The following SLC17A3 variants were observed in gnomAD, a reference collection of about 807,000 sequenced individuals.
SLC17A3 encodes solute carrier family 17 member 3, also known as sodium-dependent phosphate transport protein 4.
A neutral mutation model predicts 60.3 loss-of-function variants in SLC17A3; 61 were observed. That is an observed-to-expected ratio of 1.01 (90% CI 0.82 to 1.25). The LOEUF is 1.25. SLC17A3 is among the 50% of genes most tolerant of loss of function. The pLI, the probability that SLC17A3 is intolerant of heterozygous loss-of-function variation, is 0.00. For missense variants in SLC17A3, 624 were observed against 594.9 expected (o/e 1.05, Z -0.51); for synonymous variants, 192 against 208.9 (o/e 0.92, Z 0.70).
At chr6:25,857,261 G>A (rs1018185277) in intron 5 of SLC17A3, among the ~76,000 whole-genome samples, 1 of 150,344 alleles carries the variant, frequency 6.7e-6, no homozygotes, top group Admixed American at 6.6e-5. Flanking sequence ...AAAGTTGCAC[G>A]TTTTTCTATC....
intron 5 of SLC17A3, among the ~76,000 whole-genome samples, chr6:25,860,750 C>T (rs928377412): frequency 2.6e-5 from 4 of 152,204 alleles, no homozygotes; most frequent in Admixed American, 6.5e-5. Flanking sequence ...AAGGGAGTTG[C>T]TACTTTCCAT....
At position 25,849,142 on chromosome 6, in the gene SLC17A3, C is replaced by T. The variant is rs1328901449; in HGVS notation, c.1362+232G>A. ...TCATTATCCCAAGACACCTATGCAGCTGTGTGGTTTCAGTTTCAAAGACAG... is the reference window on the plus strand; with the variant it reads ...TCATTATCCCAAGACACCTATGCAGTTGTGTGGTTTCAGTTTCAAAGACAG... On this transcript the variant is annotated intron_variant, in intron 11 of 12. Coordinates refer to ENST00000397060, the MANE Select transcript of SLC17A3 (RefSeq NM_001098486.2). Among the ~76,000 whole-genome samples, 6 of 152,278 alleles carry T rather than the reference C, an allele frequency of 3.9e-5. No homozygotes were observed. The East Asian group carries it at 5.8e-4, about 15-fold the overall frequency.
At chr6:25,859,085 G>T (rs1410501976) in intron 5 of SLC17A3, among the ~76,000 whole-genome samples, 1 of 152,182 alleles carries the variant, frequency 6.6e-6, no homozygotes, top group Non-Finnish European at 1.5e-5. Flanking sequence ...AATATCATAA[G>T]ATGTGTTGGG....
At chr6:25,871,450 G>C (rs1207234394) in intron 1 of SLC17A3, among the ~76,000 whole-genome samples, 1 of 148,906 alleles carries the variant, frequency 6.7e-6, no homozygotes, top group Non-Finnish European at 1.5e-5. Flanking sequence ...GAGAACACAT[G>C]GACACAGGAA....
chr6:25,862,283 C>A lies in SLC17A3; in HGVS notation c.253G>T (p.Val85Phe). ...QLNDSSEVLP[V>F]DSFGGLSKAP... ...TTACTTAGGCCACCAAATGAGTCAA[C>A]AGGCAGCACCTCAGAGGAATCATTG... Residue 85 changes from valine (V) to phenylalanine (F), a missense_variant, in exon 3 of 13, where the codon GTT (valine) becomes TTT (phenylalanine). By Grantham distance (50) the Val-to-Phe change is conservative. Transcript: ENST00000397060. 6.2e-7 allele frequency: 1 copy of A among 1,613,828 alleles called. No individual in the cohort carries two copies.
At chr6:25,861,167 G>T (rs1765439888) in intron 5 of SLC17A3, among the ~76,000 whole-genome samples, 1 of 152,106 alleles carries the variant, frequency 6.6e-6, no homozygotes, top group Non-Finnish European at 1.5e-5. Flanking sequence ...GCAGATCATT[G>T]TCAGCAAGAA....
chr6:25,861,696 C>G lies in SLC17A3; in HGVS notation c.553G>C (p.Gly185Arg), dbSNP rs531315084. ...QGLSQSSILG[G>R]QFAIWEKWGP... ...CACTTTTCCCAAATTGCAAACTGACCCCCAAGTATTGAGGACTGAAATTAA... is the reference window on the plus strand; with the variant it reads ...CACTTTTCCCAAATTGCAAACTGACGCCCAAGTATTGAGGACTGAAATTAA... Residue 185 changes from glycine (G) to arginine (R), a missense_variant, in exon 5 of 13, where the codon GGT becomes CGT. Transcript: ENST00000397060. The G allele has an allele frequency of 6.2e-7, 1 of 1,613,876 alleles. No homozygotes were observed. The highest frequency in any genetic ancestry group is 1.1e-5 in the South Asian group (1 of 91,072).
intron 1 of SLC17A3, 160 bp from the exon 2 acceptor site, chr6:25,868,580 A>G (rs2151527844): frequency 1.7e-6 from 1 of 595,956 alleles, no homozygotes; most frequent in East Asian, 2.9e-5. Flanking sequence ...CAACAAGCAT[A>G]CTGCACGTAA....
intron 10 of SLC17A3, 26 bp from the exon 11 acceptor site, chr6:25,849,490 C>A: frequency 1.4e-6 from 2 of 1,436,834 alleles, no homozygotes; most frequent in South Asian, 2.3e-5. Context: ...ATGTTCCGGT[C>A]TAGATCCAGA....
At position 25,845,019 on chromosome 6, in the gene SLC17A3, C is replaced by T; in HGVS notation, c.*282G>A. On this transcript the variant is annotated 3_prime_UTR_variant, in exon 13 of 13. Transcript: ENST00000397060. The stretch of plus-strand genomic sequence containing the variant: ...GTTTTAAAACATTGTTTCTTGTATC[C>T]AGTAATGGAATCTAACATACTGGGT... The T allele has an allele frequency of 9.0e-6, 2 of 222,794 alleles. No individual in the cohort carries two copies. The highest frequency in any genetic ancestry group is 1.1e-4 in the East Asian group (1 of 8,864). 13.8% of individuals were successfully genotyped at this position (222,794 alleles called of 1,614,324 possible). A position where few individuals can be genotyped will look rare whatever the true frequency, so the allele number is the denominator to read the frequency against.
At position 25,850,754 on chromosome 6, in the gene SLC17A3, T is replaced by C. The variant is rs1235306113; in HGVS notation, c.831+5A>G. 1.2e-6 allele frequency: 2 copies of C among 1,611,094 alleles called. No homozygotes were observed. Among genetic ancestry groups the C allele is most frequent in the South Asian group, 1.1e-5 (1 of 91,012 alleles). ...TCAGAAAAGTGTTGGTGTCTTTATA[T>C]GTACCTGTTGTTTCAAGGAGGATAT... On this transcript the variant is annotated splice_donor_5th_base_variant and intron_variant, in intron 7 of 12. Coordinates refer to ENST00000397060, the MANE Select transcript of SLC17A3 (RefSeq NM_001098486.2).
Position 25,850,842 on chromosome 6 carries a change from C to T in SLC17A3, c.748G>A (p.Val250Ile). 6.2e-7 allele frequency: 1 copy of T among 1,614,062 alleles called. No homozygotes were observed. Among genetic ancestry groups the T allele is most frequent in the Non-Finnish European group, 8.5e-7 (1 of 1,179,942 alleles). Reference protein sequence around the residue: ...VGCVCCLLWFVVIYDDPVSYP... With the variant: ...VGCVCCLLWFIVIYDDPVSYP... ...GAAACGGGGTCATCATAAATCACAA[C>T]AAACCAGAGAAGGCAGCAGACACAG... The change falls in exon 7 of 13, where the codon GTT becomes ATT. Residue 250 changes from valine (V) to isoleucine (I), a missense_variant. Val to Ile is a conservative substitution (Grantham distance 29). Coordinates refer to ENST00000397060, the MANE Select transcript of SLC17A3 (RefSeq NM_001098486.2).
intron 6 of SLC17A3, 70 bp downstream of exon 6, chr6:25,855,074 C>T (rs1329809099): frequency 9.9e-6 from 10 of 1,008,302 alleles, no homozygotes; most frequent in African/African-American, 4.7e-5. Context: ...GAAAACTATA[C>T]ACAAAATATA....
intron 6 of SLC17A3, among the ~76,000 whole-genome samples, chr6:25,851,564 T>C (rs1373244862): frequency 1.3e-5 from 2 of 152,152 alleles, no homozygotes; most frequent in African/African-American, 4.8e-5. Flanking sequence ...TTTGGTTTAG[T>C]TTTTATATAT....
At chr6:25,869,211 C>A (rs1765598109) in intron 1 of SLC17A3, among the ~76,000 whole-genome samples, 1 of 151,858 alleles carries the variant, frequency 6.6e-6, no homozygotes, top group African/African-American at 2.4e-5. Flanking sequence ...ATCTTCAATG[C>A]CCAAGGAGAT....
At chr6:25,847,728 T>C (rs939941300) in intron 11 of SLC17A3, among the ~76,000 whole-genome samples, 7 of 151,920 alleles carry the variant, frequency 4.6e-5, no homozygotes, top group African/African-American at 1.4e-4. Context: ...TTTTTTATTT[T>C]ATTTTATTAT....
chr6:25,848,363 A>G (rs1482977873), intron 11 of SLC17A3, among the ~76,000 whole-genome samples: 1 of 152,198 alleles, frequency 6.6e-6, no homozygotes, highest in African/African-American at 2.4e-5. Flanking sequence ...CATTCCTACC[A>G]ATAGTCATCC....
chr6:25,860,257 G>A (rs1765424666), intron 5 of SLC17A3, among the ~76,000 whole-genome samples: 2 of 152,034 alleles, frequency 1.3e-5, no homozygotes, highest in African/African-American at 2.4e-5. Flanking sequence ...TGGCTGCAAA[G>A]TTTCCTATCT....
intron 3 of SLC17A3, 58 bp from the exon 4 acceptor site, chr6:25,862,087 T>C: frequency 6.9e-7 from 1 of 1,455,366 alleles, no homozygotes; most frequent in Non-Finnish European, 9.4e-7. Context: ...TTACATACCC[T>C]AGAAAGCTCC....
Sources: allele counts gnomAD v4.1 joint callset (sites outside exome capture counted in the v4.1 genomes callset), GRCh38; gene constraint gnomAD v4.1.1; transcripts MANE v1.5; gene names NCBI Gene and HGNC (gene_info 2026-07-23, HGNC 2026-07-21).